Variants in ZNF611 observed in about 807,000 individuals in gnomAD.
ZNF611 encodes the protein zinc finger protein 611.
A neutral mutation model predicts 8.9 loss-of-function variants in ZNF611; 6 were observed. The observed-to-expected ratio is 0.68, with a 90% CI of 0.37 to 1.34. The LOEUF is 1.34. ZNF611 is among the 40% of genes most tolerant of loss of function. The pLI, the probability that ZNF611 is intolerant of heterozygous loss-of-function variation, is 0.02. For synonymous variants in ZNF611, 262 were observed against 279.7 expected (o/e 0.94, Z 0.63); for missense variants, 874 against 841.3 (o/e 1.04, Z -0.48).
intron 3 of ZNF611, among the ~76,000 whole-genome samples, chr19:52,719,609 A>G (rs1453525121): frequency 6.6e-6 from 1 of 152,188 alleles, no homozygotes; most frequent in Non-Finnish European, 1.5e-5. Context: ...CTCACCGCTC[A>G]TCTGCACCCA....
At chr19:52,707,658 G>T (rs1380300842) in intron 5 of ZNF611, 1 of 149,578 alleles carries the variant, frequency 6.7e-6, no homozygotes, top group African/African-American at 2.5e-5. Flanking sequence ...TTATTTTTTT[G>T]AGATGGAGTC....
Position 52,704,220 on chromosome 19 carries a change from A to T in ZNF611, c.*717T>A. 2 of 416,990 alleles carry T rather than the reference A, an allele frequency of 4.8e-6. No individual in the cohort carries two copies. The highest frequency in any genetic ancestry group is 9.7e-6 in the Non-Finnish European group (2 of 206,604). The allele number at this position is 416,990 out of a possible 1,614,324, so 25.8% of individuals were successfully genotyped here. On this transcript the variant is annotated 3_prime_UTR_variant, in exon 6 of 6. Coordinates refer to ENST00000652185, the MANE Select transcript of ZNF611 (RefSeq NM_001161499.2). ...ACAAACTCAAGTCAATGCTGAATTG[A>T]CTCCAATGTCAATTAATGCTTGATG...
chr19:52,714,262 T>C (rs1173978797), intron 4 of ZNF611, 121 bp from the exon 5 acceptor site: 8 of 1,506,562 alleles, frequency 5.3e-6, no homozygotes, highest in East Asian at 2.4e-5. Context: ...GACAAAAGGA[T>C]GTTAAGGTAT....
intron 1 of ZNF611, among the ~76,000 whole-genome samples, chr19:52,731,129 C>T (rs1429710584): frequency 6.6e-6 from 1 of 152,006 alleles, no homozygotes; most frequent in Non-Finnish European, 1.5e-5. Flanking sequence ...GTGGTGCGAT[C>T]GTGGCTCACT....
At chr19:52,709,630 T>C (rs996047040) in intron 5 of ZNF611, among the ~76,000 whole-genome samples, 11 of 150,712 alleles carry the variant, frequency 7.3e-5, no homozygotes, top group Admixed American at 4.0e-4. Flanking sequence ...TGCAATAGCG[T>C]GATCTAGGAT....
chr19:52,706,940 CA>C (rs1026418920), intron 5 of ZNF611, 76 bp from the exon 6 acceptor site: 1 of 1,521,798 alleles, frequency 6.6e-7, no homozygotes. Context: ...AAATATGACA[CA>C]AAAAACGATA....
rs1484446088 is a variant in ZNF611, at chr19:52,702,993, G to T, written c.*1944C>A. 2.0e-5 allele frequency: 3 copies of T among 151,970 alleles called. No individual in the cohort carries two copies. Among genetic ancestry groups the T allele is most frequent in the African/African-American group, 4.8e-5 (2 of 41,388 alleles). 9.4% of individuals were successfully genotyped at this position (151,970 alleles called of 1,614,324 possible). Reference sequence around the variant, plus strand: ...TTAAAACAGCAACTATTTTGAAATTGTTTTTTAAAAAAATCTAACGAATTC... The same window carrying T: ...TTAAAACAGCAACTATTTTGAAATTTTTTTTTAAAAAAATCTAACGAATTC... On this transcript the variant is annotated 3_prime_UTR_variant, in exon 6 of 6. Transcript: ENST00000652185.
intron 3 of ZNF611, chr19:52,724,099 T>C (rs2062376625): frequency 6.6e-6 from 1 of 152,206 alleles, no homozygotes; most frequent in African/African-American, 2.4e-5. Flanking sequence ...GCTATCTCTT[T>C]CACTAACCGT....
chr19:52,734,414 G>C (rs1162809304), intron 1 of ZNF611, among the ~76,000 whole-genome samples: 1 of 152,094 alleles, frequency 6.6e-6, no homozygotes, highest in Non-Finnish European at 1.5e-5. Context: ...CCGCAGGCAA[G>C]AATACCCCGT....
At chr19:52,731,348 G>A (rs1329189020) in intron 1 of ZNF611, among the ~76,000 whole-genome samples, 1 of 151,874 alleles carries the variant, frequency 6.6e-6, no homozygotes, top group African/African-American at 2.4e-5. Flanking sequence ...GAGCCACCAC[G>A]CCTGGCTTTG....
At position 52,714,085 on chromosome 19, in the gene ZNF611, G is replaced by C; in HGVS notation, c.120C>G (p.Cys40Trp). The change falls in exon 5 of 6, where the codon TGC becomes TGG. Residue 40 changes from cysteine to tryptophan, a missense_variant. Coordinates refer to ENST00000652185, the MANE Select transcript of ZNF611 (RefSeq NM_001161499.2). ...AIEFSLAEWKCLNPSQRALYR... is the reference protein window; with the variant it reads ...AIEFSLAEWKWLNPSQRALYR... ...ACAAAGCCCTCTGTGAAGGGTTCAG[G>C]CATTTCCACTCTGCCAATGAGAATT... 1 of 1,614,016 alleles carries C rather than the reference G, an allele frequency of 6.2e-7. No homozygotes were observed. Among genetic ancestry groups the C allele is most frequent in the Non-Finnish European group, 8.5e-7 (1 of 1,179,990 alleles).
intron 1 of ZNF611, among the ~76,000 whole-genome samples, chr19:52,731,725 C>T (rs2062426675): frequency 6.6e-6 from 1 of 151,968 alleles, no homozygotes. Flanking sequence ...AATCCCAGCA[C>T]TTTGGGAGGC....
rs1286277865 is a variant in ZNF611 at position 52,706,108 on chromosome 19, T to G, written c.947A>C (p.Asn316Thr). ...RRLHTGVKRY[N>T]CNECGKIFGQ... ...AAAGATCTTGCCACACTCATTACAA[T>G]TGTAACGTTTTACTCCAGTATGAAG... Residue 316 changes from asparagine to threonine, a missense_variant, in exon 6 of 6, where the codon AAT (asparagine) becomes ACT (threonine). Transcript: ENST00000652185. The G allele has an allele frequency of 1.2e-6, 2 of 1,614,068 alleles. No individual in the cohort carries two copies. The highest frequency in any genetic ancestry group is 4.5e-5 in the East Asian group (2 of 44,856).
At chr19:52,726,167 C>A (rs1304155842) in intron 3 of ZNF611, among the ~76,000 whole-genome samples, 1 of 152,182 alleles carries the variant, frequency 6.6e-6, no homozygotes, top group Non-Finnish European at 1.5e-5. Context: ...TCAGAGACTT[C>A]CCTAGAGCCT....
intron 5 of ZNF611, among the ~76,000 whole-genome samples, chr19:52,711,924 G>A (rs1372239603): frequency 2.6e-5 from 4 of 152,094 alleles, no homozygotes; most frequent in Non-Finnish European, 2.9e-5. Context: ...ATGTAGGAGT[G>A]AACTTTGTGC....
At chr19:52,712,637 GA>G (rs56301635) in intron 5 of ZNF611, among the ~76,000 whole-genome samples, 82 of 138,530 alleles carry the variant, frequency 5.9e-4, no homozygotes, top group Non-Finnish European at 6.6e-4. Flanking sequence ...TACTCCGTCT[GA>G]AAAAAAAAAA....
At position 52,705,932 on chromosome 19, in the gene ZNF611, A is replaced by G. The variant is rs768641750; in HGVS notation, c.1123T>C (p.Cys375Arg). Residue 375 changes from cysteine (C) to arginine (R), a missense_variant, in exon 6 of 6, where the codon TGT (cysteine) becomes CGT (arginine). Cys to Arg is a radical substitution (Grantham distance 180). Coordinates refer to ENST00000652185, the MANE Select transcript of ZNF611 (RefSeq NM_001161499.2). ...TGEKPYKCEE[C>R]DKVFSRKSTI... ...GATTTCCGACTGAAAACTTTGTCAC[A>G]TTCTTCACATTTGTAAGGTTTCTCT... The G allele has an allele frequency of 5.0e-6, 8 of 1,614,042 alleles. No homozygotes were observed. Among genetic ancestry groups the G allele is most frequent in the Admixed American group, 1.7e-5 (1 of 60,004 alleles).
In ZNF611 at chr19:52,705,335, T is replaced by C. The variant is rs1255967320; in HGVS notation, c.1720A>G (p.Thr574Ala). The C allele has an allele frequency of 7.4e-6, 12 of 1,614,018 alleles. No individual in the cohort carries two copies. The highest frequency in any genetic ancestry group is 1.3e-5 in the African/African-American group (1 of 74,976). ...KPYKCNECSK[T>A]FSHRSYLVCH... ...ACAAGGTATGACCTGTGACTGAAGG[T>C]CTTGCTGCACTCATTACACTTGTAA... is the stretch of plus-strand genomic sequence containing the variant. Residue 574 changes from threonine to alanine, a missense_variant, in exon 6 of 6, where the codon ACC becomes GCC. By Grantham distance (58) the Thr-to-Ala change is moderately conservative. Coordinates refer to ENST00000652185, the MANE Select transcript of ZNF611 (RefSeq NM_001161499.2).
chr19:52,725,928 C>T (rs1040630116), intron 3 of ZNF611, among the ~76,000 whole-genome samples: 3 of 152,152 alleles, frequency 2.0e-5, no homozygotes, highest in African/African-American at 7.2e-5. Context: ...TCGCACCCAG[C>T]GCCTCTGTTT....
Sources: allele counts gnomAD v4.1 joint callset (sites outside exome capture counted in the v4.1 genomes callset), GRCh38; gene constraint gnomAD v4.1.1; transcripts MANE v1.5; gene names NCBI Gene and HGNC (gene_info 2026-07-23, HGNC 2026-07-21).